Variants in OGFRL1 observed in about 807,000 individuals in gnomAD.
The protein encoded by OGFRL1 is opioid growth factor receptor like 1.
OGFRL1 carries 26 observed loss-of-function variants against 32.4 expected under a neutral mutation model. The observed-to-expected ratio is 0.80, with a 90% CI of 0.59 to 1.11. OGFRL1 has a LOEUF of 1.11. Ranked by LOEUF, OGFRL1 falls within the 50% of genes most tolerant of loss-of-function variation. The probability of loss-of-function intolerance (pLI) is 0.00; values close to 1 mark genes in which losing one functional copy is unlikely to be tolerated. For synonymous variants in OGFRL1, 211 were observed against 201.2 expected, an observed-to-expected ratio of 1.05 and a Z score of -0.41; for missense variants, 521 against 546.4, an observed-to-expected ratio of 0.95 and a Z score of 0.46.
rs113690536 is a variant in OGFRL1 at position 71,290,680 on chromosome 6, T to A, written c.234+1510T>A. ...TTTTGACTGCCAACCCTATTTGTTGTCTATTCCTCAGAGTCAATCCACTTG... is the reference window on the plus strand; with the variant it reads ...TTTTGACTGCCAACCCTATTTGTTGACTATTCCTCAGAGTCAATCCACTTG... On this transcript the variant is annotated intron_variant, in intron 1 of 6. Transcript: ENST00000370435. 4.1e-3 allele frequency among the ~76,000 whole-genome samples: 630 copies of A among 152,338 alleles called. 1 individual carries two copies. Among genetic ancestry groups the A allele is most frequent in the African/African-American group, 0.015 (615 of 41,572 alleles).
At chr6:71,294,394 A>G (rs1766140634) in intron 3 of OGFRL1, among the ~76,000 whole-genome samples, 1 of 152,140 alleles carries the variant, frequency 6.6e-6, no homozygotes, top group South Asian at 2.1e-4. Context: ...GGCTTCTGCT[A>G]TTTGCTCTCA....
At chr6:71,295,009 C>T (rs1027988256) in intron 3 of OGFRL1, among the ~76,000 whole-genome samples, 6 of 152,002 alleles carry the variant, frequency 3.9e-5, no homozygotes, top group African/African-American at 1.5e-4. Flanking sequence ...ATCTTTACTA[C>T]AAAGTTTATT....
At chr6:71,292,721 G>T (rs1321993305) in intron 1 of OGFRL1, among the ~76,000 whole-genome samples, 3 of 152,144 alleles carry the variant, frequency 2.0e-5, no homozygotes, top group African/African-American at 7.2e-5. Flanking sequence ...TCAGTGAACA[G>T]ATGATTATTC....
In OGFRL1 at chr6:71,304,848, A is replaced by G. The variant is rs1766499289; in HGVS notation, c.*2799A>G. On this transcript the variant is annotated 3_prime_UTR_variant, in exon 7 of 7. Coordinates refer to ENST00000370435, the MANE Select transcript of OGFRL1 (RefSeq NM_024576.5). ...ATTTAATCCCTAAATAACTTAGATA[A>G]TCATTCAGTGGAGAACAAGTAAAAG... 6.6e-6 allele frequency: 1 copy of G among 152,086 alleles called. No homozygotes were observed. Among genetic ancestry groups the G allele is most frequent in the Non-Finnish European group, 1.5e-5 (1 of 67,924 alleles). 9.4% of individuals were successfully genotyped at this position (152,086 alleles called of 1,614,324 possible).
At chr6:71,299,951 T>A (rs547530162) in intron 6 of OGFRL1, among the ~76,000 whole-genome samples, 1 of 152,336 alleles carries the variant, frequency 6.6e-6, no homozygotes, top group African/African-American at 2.4e-5. Flanking sequence ...TTGGTTAGTA[T>A]GAATCATTAA....
chr6:71,298,791 G>C (rs190839782), intron 6 of OGFRL1, among the ~76,000 whole-genome samples: 2 of 152,306 alleles, frequency 1.3e-5, no homozygotes, highest in East Asian at 3.9e-4. Context: ...ACAAATGATA[G>C]AGGATTCTAT....
chr6:71,297,220 A>G (rs1398763599), intron 6 of OGFRL1, among the ~76,000 whole-genome samples: 2 of 152,254 alleles, frequency 1.3e-5, no homozygotes, highest in East Asian at 3.9e-4. Context: ...ATGCCTTCTT[A>G]AGATTAAATT....
chr6:71,289,143 G>A lies in OGFRL1; in HGVS notation c.207G>A (p.Glu69=). Reference sequence around the variant, plus strand: ...CCGGCGCCAGCCCCGCGCCGGACGAGGACGCCGAGGCGGCGGGCGCCGAGC... The same window carrying A: ...CCGGCGCCAGCCCCGCGCCGGACGAAGACGCCGAGGCGGCGGGCGCCGAGC... The part of the protein sequence containing the change: ...GRPGASPAPD[E]DAEAAGAEQG... The change falls in exon 1 of 7, where the codon GAG becomes GAA. Residue 69 remains glutamate, a synonymous_variant. Transcript: ENST00000370435. The A allele has an allele frequency of 9.1e-7, 1 of 1,094,942 alleles. No individual in the cohort carries two copies. Among genetic ancestry groups the A allele is most frequent in the Non-Finnish European group, 1.1e-6 (1 of 902,922 alleles). 67.8% of individuals were successfully genotyped at this position (1,094,942 alleles called of 1,614,324 possible). A position where few individuals can be genotyped will look rare whatever the true frequency, so the allele number is the denominator to read the frequency against.
rs1174099863 is a variant in OGFRL1 at position 71,305,569 on chromosome 6, A to T, written c.*3520A>T. ...CTTCAATGAGAAAATAAAATCTACA[A>T]CTCAGGAGTTACTAGAGAAGTTCTA... On this transcript the variant is annotated 3_prime_UTR_variant, in exon 7 of 7. Coordinates refer to ENST00000370435, the MANE Select transcript of OGFRL1 (RefSeq NM_024576.5). 6.6e-6 allele frequency: 1 copy of T among 152,080 alleles called. No homozygotes were observed. Among genetic ancestry groups the T allele is most frequent in the African/African-American group, 2.4e-5 (1 of 41,430 alleles). The allele number at this position is 152,080 out of a possible 1,614,324, so 9.4% of individuals were successfully genotyped here.
In OGFRL1 at chr6:71,297,278, T is replaced by C. The variant is rs958724746; in HGVS notation, c.692+461T>C. 2.6e-5 allele frequency among the ~76,000 whole-genome samples: 4 copies of C among 152,164 alleles called. No individual in the cohort carries two copies. The East Asian group carries it at 7.7e-4, about 29-fold the overall frequency. On this transcript the variant is annotated intron_variant, in intron 6 of 6. Coordinates refer to ENST00000370435, the MANE Select transcript of OGFRL1 (RefSeq NM_024576.5). ...TAAAAATCATTTTATAAGAATGAGATGGGCCCATAGTTTTTACTAAAAGAG... is the reference window on the plus strand; with the variant it reads ...TAAAAATCATTTTATAAGAATGAGACGGGCCCATAGTTTTTACTAAAAGAG...
At position 71,289,041 on chromosome 6, in the gene OGFRL1, G is replaced by T; in HGVS notation, c.105G>T (p.Gly35=). The T allele has an allele frequency of 7.6e-7, 1 of 1,313,804 alleles. No homozygotes were observed. The highest frequency in any genetic ancestry group is 9.9e-7 in the Non-Finnish European group (1 of 1,014,784). 81.4% of individuals were successfully genotyped at this position (1,313,804 alleles called of 1,614,324 possible). Reference sequence around the variant, plus strand: ...CGGAGCCCGAGCCCGAAGAACCAGGGCCGGGCGGCGGCAGCGAGGGCCCGG... The same window carrying T: ...CGGAGCCCGAGCCCGAAGAACCAGGTCCGGGCGGCGGCAGCGAGGGCCCGG... ...TDSEPEPEEP[G]PGGGSEGPGQ... The change falls in exon 1 of 7, where the codon GGG becomes GGT. Residue 35 remains glycine (G), a synonymous_variant. Transcript: ENST00000370435.
intron 1 of OGFRL1, among the ~76,000 whole-genome samples, chr6:71,292,990 A>G (rs1766093744): frequency 6.6e-6 from 1 of 152,140 alleles, no homozygotes; most frequent in South Asian, 2.1e-4. Context: ...TTCCTTTTTG[A>G]GTTCCATTTT....
In OGFRL1 at chr6:71,296,793, A is replaced by G; in HGVS notation, c.668A>G (p.Gln223Arg). The G allele has an allele frequency of 2.5e-6, 4 of 1,613,264 alleles. No individual in the cohort carries two copies. The highest frequency in any genetic ancestry group is 3.4e-6 in the Non-Finnish European group (4 of 1,179,512). The change falls in exon 6 of 7, where the codon CAG becomes CGG. Residue 223 changes from glutamine (Q) to arginine (R), a missense_variant. Transcript: ENST00000370435. ...AATGTTGCTCGGGCTGTTAACTGGC[A>G]GGAAAGATTTCAGCATCTGAATGAG... ...TGNVARAVNW[Q>R]ERFQHLNESQ...
intron 1 of OGFRL1, among the ~76,000 whole-genome samples, chr6:71,292,714 G>A (rs1045295794): frequency 6.6e-6 from 1 of 152,110 alleles, no homozygotes; most frequent in Non-Finnish European, 1.5e-5. Flanking sequence ...TTATCATTCA[G>A]TGAACAGATG....
chr6:71,299,439 C>T (rs1766316865), intron 6 of OGFRL1, among the ~76,000 whole-genome samples: 2 of 151,996 alleles, frequency 1.3e-5, no homozygotes, highest in Non-Finnish European at 1.5e-5. Flanking sequence ...AGTCTTTTTC[C>T]TTTTATACTG....
intron 6 of OGFRL1, among the ~76,000 whole-genome samples, chr6:71,299,809 A>G (rs921665912): frequency 6.6e-6 from 1 of 152,216 alleles, no homozygotes; most frequent in Non-Finnish European, 1.5e-5. Context: ...AAAAATACAG[A>G]TGTGTAAAAC....
intron 1 of OGFRL1, chr6:71,289,548 TAAAAA>T (rs1158690810): frequency 0.016 from 8,494 of 539,174 alleles, 4 homozygotes; most frequent in African/African-American, 0.022. Context: ...GTGTTATTGG[TAAAAA>T]AAAAAAAAAA....
chr6:71,293,217 TTAAG>T, intron 1 of OGFRL1, 72 bp from the exon 2 acceptor site: 2 of 1,231,650 alleles, frequency 1.6e-6, no homozygotes, highest in Admixed American at 3.6e-5. Context: ...TGGATCTTCC[TTAAG>T]TTTGTTCTGG....
At position 71,293,519 on chromosome 6, in the gene OGFRL1, T is replaced by C. The variant is rs1561946934; in HGVS notation, c.322-14T>C. 1 of 1,608,594 alleles carries C rather than the reference T, an allele frequency of 6.2e-7. No individual in the cohort carries two copies. ...TCTATGTGCTGGAGATTGATTTATT[T>C]TTTCCTTTAGCAGAACTTCAAAGAT... On this transcript the variant is annotated splice_polypyrimidine_tract_variant and intron_variant, in intron 2 of 6. Coordinates refer to ENST00000370435, the MANE Select transcript of OGFRL1 (RefSeq NM_024576.5).
Sources: gnomAD v4.1 joint callset for allele counts (sites outside exome capture counted in the v4.1 genomes callset) on GRCh38, gnomAD v4.1.1 for gene constraint, MANE v1.5 for transcripts, NCBI Gene and HGNC (gene_info 2026-07-23, HGNC 2026-07-21) for gene names.